KIF15: variants seen among roughly 807,000 people sequenced by gnomAD.
KIF15 encodes kinesin-like protein KIF15.
A neutral mutation model predicts 190.6 loss-of-function variants in KIF15; 140 were observed. The observed-to-expected ratio is 0.73, with a 90% CI of 0.64 to 0.84. KIF15 has a LOEUF of 0.84. Among genes scored for constraint, KIF15 ranks in the 40% least tolerant of loss-of-function variants. KIF15 has a pLI of 0.00. For missense variants in KIF15, 1,372 were observed against 1,584.4 expected (o/e 0.87, Z 2.28); for synonymous variants, 528 against 551.3 (o/e 0.96, Z 0.59).
intron 16 of KIF15, 59 bp downstream of exon 16, chr3:44,806,045 T>G: frequency 6.4e-7 from 1 of 1,563,454 alleles, no homozygotes; most frequent in South Asian, 1.2e-5. Flanking sequence ...TTATTAATAA[T>G]GGAGAGAGTC....
At chr3:44,822,970 G>A (rs557922627) in intron 20 of KIF15, among the ~76,000 whole-genome samples, 69 of 152,206 alleles carry the variant, frequency 4.5e-4, no homozygotes, top group African/African-American at 1.6e-3. Context: ...TTAGCTTGTC[G>A]AAGTTTGTTA....
intron 14 of KIF15, among the ~76,000 whole-genome samples, chr3:44,803,203 A>AT (rs1296846189): frequency 6.6e-6 from 1 of 152,256 alleles, no homozygotes; most frequent in Non-Finnish European, 1.5e-5. Flanking sequence ...GCTAATAGAT[A>AT]TAACGAGAAA....
chr3:44,849,667 A>G (rs1023393139), intron 32 of KIF15, among the ~76,000 whole-genome samples: 2 of 152,104 alleles, frequency 1.3e-5, no homozygotes, highest in African/African-American at 4.8e-5. Flanking sequence ...TTGATTTAAT[A>G]TATTTTCTGG....
At chr3:44,796,142 C>T (rs1017389759) in intron 8 of KIF15, among the ~76,000 whole-genome samples, 3 of 152,156 alleles carry the variant, frequency 2.0e-5, no homozygotes, top group Admixed American at 1.3e-4. Context: ...GGATTACAGG[C>T]GTTAGCCACC....
At chr3:44,802,783 A>G in intron 13 of KIF15, 31 bp from the exon 14 acceptor site, 1 of 1,516,976 alleles carries the variant, frequency 6.6e-7, no homozygotes, top group Non-Finnish European at 8.8e-7. Context: ...GTTTGTAAAT[A>G]TATAATGCGT....
intron 1 of KIF15, among the ~76,000 whole-genome samples, chr3:44,772,608 C>T (rs905813826): frequency 6.6e-6 from 1 of 152,194 alleles, no homozygotes; most frequent in Non-Finnish European, 1.5e-5. Flanking sequence ...CCTTTTGAGT[C>T]CCTTATTACC....
At chr3:44,828,558 T>C (rs1372938118) in intron 24 of KIF15, among the ~76,000 whole-genome samples, 1 of 152,226 alleles carries the variant, frequency 6.6e-6, no homozygotes, top group Non-Finnish European at 1.5e-5. Flanking sequence ...CCCTTTTAAC[T>C]AGGATGCTGA....
chr3:44,838,453 G>A (rs771810416), intron 27 of KIF15, 32 bp downstream of exon 27: 7 of 1,595,338 alleles, frequency 4.4e-6, no homozygotes, highest in South Asian at 2.3e-5. Context: ...CTCAAGATGG[G>A]AGACAAGAGA....
At position 44,770,910 on chromosome 3, in the gene KIF15, A is replaced by G. The variant is rs547090236; in HGVS notation, c.20-3485A>G. ...GCAATGGTCCAAGCGAAAGTCAAAA[A>G]GATTACTTCAGTTTTGTATTCATTA... On this transcript the variant is annotated intron_variant, in intron 1 of 34. Transcript: ENST00000326047. Among the ~76,000 whole-genome samples, 215 of 152,354 alleles carry G rather than the reference A, an allele frequency of 1.4e-3. 1 individual carries two copies. Among genetic ancestry groups the G allele is most frequent in the Middle Eastern group, 3.4e-3 (1 of 294 alleles).
At chr3:44,790,520 G>A (rs1559536285) in intron 7 of KIF15, among the ~76,000 whole-genome samples, 1 of 152,058 alleles carries the variant, frequency 6.6e-6, no homozygotes, top group South Asian at 2.1e-4. Context: ...ATATACAAGT[G>A]TAGAATTAGT....
chr3:44,765,815 C>T (rs1388557362), intron 1 of KIF15, among the ~76,000 whole-genome samples: 1 of 152,072 alleles, frequency 6.6e-6, no homozygotes, highest in Non-Finnish European at 1.5e-5. Context: ...CCTGAGAGTG[C>T]CCTTAGGTTT....
chr3:44,810,845 G>A lies in KIF15; in HGVS notation c.1972-1G>A. 1 of 1,601,730 alleles carries A rather than the reference G, an allele frequency of 6.2e-7. No homozygotes were observed. Among genetic ancestry groups the A allele is most frequent in the Non-Finnish European group, 8.5e-7 (1 of 1,176,678 alleles). On this transcript the variant is annotated splice_acceptor_variant, in intron 16 of 34. Transcript: ENST00000326047. LOFTEE classifies it high-confidence loss of function. ...TTTTCCATAATCATTTTTTGCTGCAGATTATAACTACACCAACCAAGGCCT... is the reference window on the plus strand; with the variant it reads ...TTTTCCATAATCATTTTTTGCTGCAAATTATAACTACACCAACCAAGGCCT...
rs750537321 is a variant in KIF15, at chr3:44,786,507, T to A, written c.572T>A (p.Ile191Asn). The A allele has an allele frequency of 6.2e-7, 1 of 1,613,596 alleles. No homozygotes were observed. Among genetic ancestry groups the A allele is most frequent in the Non-Finnish European group, 8.5e-7 (1 of 1,179,672 alleles). ...ASAGLYLREH[I>N]KKGVFVVGAV... ...GCTGGACTGTACTTAAGGGAGCATA[T>A]CAAGAAGGGAGTCTTTGTTGTTGGT... Residue 191 changes from isoleucine (I) to asparagine (N), a missense_variant, in exon 7 of 35, where the codon ATC becomes AAC. Ile to Asn is a moderately radical substitution (Grantham distance 149). Coordinates refer to ENST00000326047, the MANE Select transcript of KIF15 (RefSeq NM_020242.3).
At chr3:44,784,604 C>T (rs1706322288) in intron 5 of KIF15, among the ~76,000 whole-genome samples, 1 of 152,184 alleles carries the variant, frequency 6.6e-6, no homozygotes, top group African/African-American at 2.4e-5. Flanking sequence ...GCCTGGAGCA[C>T]AGGTCAGTCT....
At chr3:44,835,767 G>A (rs966497362) in intron 26 of KIF15, among the ~76,000 whole-genome samples, 1 of 152,204 alleles carries the variant, frequency 6.6e-6, no homozygotes, top group Non-Finnish European at 1.5e-5. Context: ...GGTAAAGGAA[G>A]TATTTCTCAA....
intron 16 of KIF15, among the ~76,000 whole-genome samples, chr3:44,809,763 C>T (rs144836671): frequency 3.0e-4 from 45 of 152,022 alleles, no homozygotes; most frequent in African/African-American, 9.9e-4. Context: ...AAAATTTCCA[C>T]AGAAAGATTA....
chr3:44,815,901 G>A (rs1708011727), intron 20 of KIF15, among the ~76,000 whole-genome samples: 1 of 152,156 alleles, frequency 6.6e-6, no homozygotes. Flanking sequence ...AGGCAGCCTT[G>A]AGTTTAATTT....
Position 44,851,816 on chromosome 3 carries a change from A to G in KIF15, c.3836A>G (p.Asn1279Ser), listed in dbSNP as rs756550292. The G allele has an allele frequency of 6.2e-7, 1 of 1,613,892 alleles. No individual in the cohort carries two copies. Among genetic ancestry groups the G allele is most frequent in the Non-Finnish European group, 8.5e-7 (1 of 1,179,870 alleles). Residue 1279 changes from asparagine (N) to serine (S), a missense_variant, in exon 33 of 35, where the codon AAC becomes AGC. Asn to Ser is a conservative substitution (Grantham distance 46). Transcript: ENST00000326047. ...GAAGAAGTCCAAAGTGCCCTTTACA[A>G]CAAAGAGATGGAATGCCTTAGAATG... The part of the protein sequence containing the change: ...DLEEVQSALY[N>S]KEMECLRMTD...
At chr3:44,867,377 C>T (rs1699332804) in intron 6 of KIF15, among the ~76,000 whole-genome samples, 1 of 152,226 alleles carries the variant, frequency 6.6e-6, no homozygotes, top group African/African-American at 2.4e-5. Flanking sequence ...CCCCACCATT[C>T]TACCAGTGAA....
Sources: gnomAD v4.1 joint callset for allele counts (sites outside exome capture counted in the v4.1 genomes callset) on GRCh38, gnomAD v4.1.1 for gene constraint, MANE v1.5 for transcripts, NCBI Gene and HGNC (gene_info 2026-07-23, HGNC 2026-07-21) for gene names.